The following ARHGAP26 variants were observed in gnomAD, a reference collection of about 807,000 sequenced individuals.
ARHGAP26 encodes the protein rho GTPase-activating protein 26.
A neutral mutation model predicts 104.8 loss-of-function variants in ARHGAP26; 38 were observed. The ratio of observed to expected loss-of-function variants is 0.36; its 90% CI spans 0.28 to 0.48. The LOEUF (loss-of-function observed/expected upper bound fraction) is 0.48, where lower values mean the gene tolerates loss of function less well. Ranked by LOEUF, ARHGAP26 falls within the 20% of genes least tolerant of loss-of-function variation. The probability of loss-of-function intolerance (pLI) is 0.99; values close to 1 mark genes in which losing one functional copy is unlikely to be tolerated. For synonymous variants in ARHGAP26, 341 were observed against 340.0 expected (o/e 1.00, Z -0.03); for missense variants, 704 against 947.9 (o/e 0.74, Z 3.38).
At position 143,227,204 on chromosome 5, in the gene ARHGAP26, C is replaced by G. The variant is rs1811742311; in HGVS notation, c.*4758C>G. The G allele has an allele frequency of 8.7e-6, 2 of 229,728 alleles. No homozygotes were observed. Among genetic ancestry groups the G allele is most frequent in the African/African-American group, 4.4e-5 (2 of 45,084 alleles). 14.2% of individuals were successfully genotyped at this position (229,728 alleles called of 1,614,324 possible). A position where few individuals can be genotyped will look rare whatever the true frequency, so the allele number is the denominator to read the frequency against. ...ATGGCACCCAGAGTTTGCCCAAGTACTGAATGTTTTGTGAGCAACCATGTT... is the reference window on the plus strand; with the variant it reads ...ATGGCACCCAGAGTTTGCCCAAGTAGTGAATGTTTTGTGAGCAACCATGTT... On this transcript the variant is annotated 3_prime_UTR_variant, in exon 23 of 23. Transcript: ENST00000645722.
Position 143,087,636 on chromosome 5 carries a change from C to CTTCTTTT in ARHGAP26, c.1538+29891_1538+29892insCTTTTTT, listed in dbSNP as rs756401821. On this transcript the variant is annotated intron_variant, in intron 17 of 22. Coordinates refer to ENST00000645722, the MANE Select transcript of ARHGAP26 (RefSeq NM_001135608.3). ...CTCATCTAATTAACCCTGGCCCATT[C>CTTCTTTT]TTTTTTTTTTTTTTTTTTTTTTTTT... 7.8e-5 allele frequency among the ~76,000 whole-genome samples: 4 copies of CTTCTTTT among 51,564 alleles called. No individual in the cohort carries two copies. The East Asian group carries it at 2.6e-3, about 33-fold the overall frequency. 33.8% of individuals were successfully genotyped at this position (51,564 alleles called of 152,430 possible).
chr5:142,892,050 C>A (rs1284533515), intron 5 of ARHGAP26, among the ~76,000 whole-genome samples: 3 of 151,820 alleles, frequency 2.0e-5, no homozygotes, highest in African/African-American at 7.3e-5. Flanking sequence ...TGGACACACA[C>A]CTGCACAGAG....
At chr5:143,131,238 G>T (rs1797319630) in intron 18 of ARHGAP26, among the ~76,000 whole-genome samples, 1 of 152,152 alleles carries the variant, frequency 6.6e-6, no homozygotes, top group Non-Finnish European at 1.5e-5. Flanking sequence ...TAAAGCCATG[G>T]TCCTTCCTCA....
intron 1 of ARHGAP26, among the ~76,000 whole-genome samples, chr5:142,850,383 C>T (rs1394536515): frequency 6.6e-6 from 1 of 152,206 alleles, no homozygotes; most frequent in Non-Finnish European, 1.5e-5. Flanking sequence ...CTCTCTCTCT[C>T]TCTCTATGGT....
At position 143,079,451 on chromosome 5, in the gene ARHGAP26, T is replaced by A. The variant is rs58693212; in HGVS notation, c.1538+21704T>A. ...CACGGGAGAAAGGCAGGCAGGGAGA[T>A]CACCCAGGAAGCTCCCTTTGCCTTT... On this transcript the variant is annotated intron_variant, in intron 17 of 22. Transcript: ENST00000645722. Among the ~76,000 whole-genome samples, 909 of 152,228 alleles carry A rather than the reference T, an allele frequency of 6.0e-3. 6 individuals are homozygous for A. The highest frequency in any genetic ancestry group is 0.021 in the African/African-American group (865 of 41,528).
intron 11 of ARHGAP26, among the ~76,000 whole-genome samples, chr5:143,006,280 G>A (rs955633301): frequency 6.7e-6 from 1 of 149,118 alleles, no homozygotes; most frequent in African/African-American, 2.5e-5. Context: ...TCTGGCCAAT[G>A]CATTGTCCTC....
At chr5:142,951,599 G>A (rs997921109) in intron 11 of ARHGAP26, among the ~76,000 whole-genome samples, 3 of 152,234 alleles carry the variant, frequency 2.0e-5, no homozygotes, top group South Asian at 2.1e-4. Flanking sequence ...TAGTATGTCC[G>A]TCTTGAGGAT....
chr5:142,865,690 G>T (rs938155418), intron 1 of ARHGAP26, among the ~76,000 whole-genome samples: 1 of 152,152 alleles, frequency 6.6e-6, no homozygotes. Context: ...TTCTGGGCCA[G>T]CTCCTTAGTA....
At chr5:143,171,172 T>C (rs539866305) in intron 20 of ARHGAP26, among the ~76,000 whole-genome samples, 2 of 152,332 alleles carry the variant, frequency 1.3e-5, no homozygotes, top group East Asian at 1.9e-4. Context: ...AGCCTAGGGC[T>C]TTTCCATATG....
chr5:143,118,945 A>AT (rs1392674969), intron 17 of ARHGAP26, among the ~76,000 whole-genome samples: 45 of 129,590 alleles, frequency 3.5e-4, no homozygotes, highest in Admixed American at 6.0e-4. Context: ...TATAATAATA[A>AT]AAAAAAAAAA....
chr5:143,084,541 G>A (rs1790270556), intron 17 of ARHGAP26, among the ~76,000 whole-genome samples: 2 of 152,154 alleles, frequency 1.3e-5, no homozygotes, highest in Admixed American at 6.5e-5. Context: ...AACCAAAAGG[G>A]AGCCCTGCCC....
chr5:143,169,169 T>G (rs1040619613), intron 20 of ARHGAP26, among the ~76,000 whole-genome samples: 3 of 152,258 alleles, frequency 2.0e-5, no homozygotes, highest in Non-Finnish European at 4.4e-5. Context: ...AACTGAACAC[T>G]GGTGTAAATT....
chr5:143,171,044 A>C (rs577469930), intron 20 of ARHGAP26, among the ~76,000 whole-genome samples: 1 of 152,348 alleles, frequency 6.6e-6, no homozygotes, highest in African/African-American at 2.4e-5. Context: ...AAAAAAGAGC[A>C]GGAAATCCTT....
At chr5:143,221,233 A>G (rs772012311) in intron 22 of ARHGAP26, among the ~76,000 whole-genome samples, 7 of 152,170 alleles carry the variant, frequency 4.6e-5, no homozygotes, top group Non-Finnish European at 7.3e-5. Flanking sequence ...GAGATGGATC[A>G]TGATGTCACA....
intron 20 of ARHGAP26, among the ~76,000 whole-genome samples, chr5:143,167,388 A>G (rs565972383): frequency 9.1e-4 from 134 of 147,532 alleles, no homozygotes; most frequent in Non-Finnish European, 1.4e-3. Context: ...AGGCTGAGAC[A>G]TGAGAATCAC....
At chr5:143,012,546 T>TATATATATATATATATAC in intron 11 of ARHGAP26, among the ~76,000 whole-genome samples, 1 of 58,464 alleles carries the variant, frequency 1.7e-5, no homozygotes, top group Non-Finnish European at 4.6e-5. Context: ...TTTATATACA[T>TATATATATATATATATAC]ACATACATAT....
chr5:143,037,100 A>G (rs1782770871), intron 12 of ARHGAP26, 96 bp from the exon 13 acceptor site: 2 of 792,910 alleles, frequency 2.5e-6, no homozygotes. Context: ...ATATGTGACC[A>G]CAGCATGCGA....
intron 12 of ARHGAP26, among the ~76,000 whole-genome samples, chr5:143,028,483 C>G (rs1598705864): frequency 6.6e-6 from 1 of 152,116 alleles, no homozygotes. Context: ...ATAACATGAA[C>G]TTGAATATGA....
At chr5:142,950,342 T>C (rs712180) in intron 11 of ARHGAP26, among the ~76,000 whole-genome samples, 73,348 of 151,996 alleles carry the variant, frequency 0.48, 21,824 homozygotes, top group East Asian at 0.91. Context: ...TTTTGATTAG[T>C]GTATATACTT....
Sources: gnomAD v4.1 joint callset for allele counts (sites outside exome capture counted in the v4.1 genomes callset) on GRCh38, gnomAD v4.1.1 for gene constraint, MANE v1.5 for transcripts, NCBI Gene and HGNC (gene_info 2026-07-23, HGNC 2026-07-21) for gene names.